The following ENOX1 variants were observed in gnomAD, a reference collection of about 807,000 sequenced individuals.
The protein encoded by ENOX1 is candidate growth-related and time keeping constitutive hydroquinone (NADH) oxidase.
A neutral mutation model predicts 82.5 loss-of-function variants in ENOX1; 42 were observed. The ratio of observed to expected loss-of-function variants is 0.51; its 90% CI spans 0.40 to 0.66. ENOX1 has a LOEUF of 0.66. Among genes scored for constraint, ENOX1 ranks in the 30% least tolerant of loss-of-function variants. The pLI is 0.00. For missense variants in ENOX1, 608 were observed against 811.6 expected (o/e 0.75, Z 3.05); for synonymous variants, 271 against 282.2 (o/e 0.96, Z 0.40).
chr13:43,334,403 T>C (rs2048581745), intron 9 of ENOX1, among the ~76,000 whole-genome samples: 2 of 152,224 alleles, frequency 1.3e-5, no homozygotes, highest in Non-Finnish European at 2.9e-5. Flanking sequence ...GTGTGTAATG[T>C]GCTAGACTTT....
chr13:43,366,466 C>T (rs1424907591), intron 5 of ENOX1, among the ~76,000 whole-genome samples: 5 of 152,210 alleles, frequency 3.3e-5, no homozygotes, highest in African/African-American at 1.2e-4. Flanking sequence ...TTAGTAGAGA[C>T]GGGGTTTCAC....
chr13:43,454,253 G>T (rs564959545), intron 3 of ENOX1, among the ~76,000 whole-genome samples: 32 of 152,014 alleles, frequency 2.1e-4, no homozygotes, highest in African/African-American at 7.7e-4. Flanking sequence ...CTTCTCAGGG[G>T]AAACTATTTT....
chr13:43,494,439 T>C (rs1004610363), intron 2 of ENOX1, among the ~76,000 whole-genome samples: 1 of 152,196 alleles, frequency 6.6e-6, no homozygotes, highest in African/African-American at 2.4e-5. Flanking sequence ...AACAAATGAG[T>C]CAAAACTAAA....
intron 9 of ENOX1, among the ~76,000 whole-genome samples, chr13:43,333,091 T>A (rs1266364481): frequency 2.0e-5 from 3 of 152,234 alleles, no homozygotes; most frequent in Non-Finnish European, 4.4e-5. Flanking sequence ...ACTTAATATA[T>A]CTTGGAAATC....
intron 2 of ENOX1, among the ~76,000 whole-genome samples, chr13:43,615,796 T>C (rs1049253866): frequency 4.6e-5 from 7 of 151,826 alleles, no homozygotes; most frequent in African/African-American, 1.5e-4. Context: ...CCTGTGTCCA[T>C]GTGTTCTCTT....
At position 43,376,851 on chromosome 13, in the gene ENOX1, A is replaced by T. The variant is rs552456831; in HGVS notation, c.209-15399T>A. 3.5e-3 allele frequency among the ~76,000 whole-genome samples: 529 copies of T among 152,238 alleles called. 2 individuals are homozygous for T. Among genetic ancestry groups the T allele is most frequent in the Non-Finnish European group, 5.5e-3 (375 of 68,020 alleles). ...GAGGATCCAGGTCAGATGGACTCCT[A>T]CCAACCTCTTCCAATTGAAATCCGG... On this transcript the variant is annotated intron_variant, in intron 5 of 16. Coordinates refer to ENST00000690772, the MANE Select transcript of ENOX1 (RefSeq NM_001347969.2).
At chr13:43,357,190 C>G (rs2050210993) in intron 7 of ENOX1, among the ~76,000 whole-genome samples, 2 of 152,146 alleles carry the variant, frequency 1.3e-5, no homozygotes, top group African/African-American at 4.8e-5. Flanking sequence ...GCAACATAAG[C>G]ACTTTTCCAG....
At chr13:43,728,921 G>A (rs2089156886) in intron 1 of ENOX1, among the ~76,000 whole-genome samples, 2 of 152,154 alleles carry the variant, frequency 1.3e-5, no homozygotes, top group Admixed American at 1.3e-4. Context: ...TTAAGAATCT[G>A]ACTGACTGGG....
At chr13:43,518,441 C>T (rs577465652) in intron 2 of ENOX1, among the ~76,000 whole-genome samples, 5 of 152,072 alleles carry the variant, frequency 3.3e-5, no homozygotes, top group South Asian at 4.2e-4. Flanking sequence ...CTTTTCAGTG[C>T]CCCCCAGCAG....
rs1039382093 is a variant in ENOX1 at position 43,230,282 on chromosome 13, T to G, written c.1715-6144A>C. Among the ~76,000 whole-genome samples the G allele has an allele frequency of 2.6e-5, 4 of 151,860 alleles. No homozygotes were observed. The East Asian group carries it at 7.7e-4, about 29-fold the overall frequency. ...GATGTGGAAAAGAATGGTTTTGGTG[T>G]GAGGATGCAAGTCAGACTGGAGGAG... On this transcript the variant is annotated intron_variant, in intron 15 of 16. Coordinates refer to ENST00000690772, the MANE Select transcript of ENOX1 (RefSeq NM_001347969.2).
intron 2 of ENOX1, among the ~76,000 whole-genome samples, chr13:43,662,426 A>C (rs926103424): frequency 1.3e-5 from 2 of 152,172 alleles, no homozygotes; most frequent in Admixed American, 6.6e-5. Flanking sequence ...TTTGTCACTC[A>C]CTGTCAAAGA....
At chr13:43,356,837 C>T (rs1367485196) in intron 7 of ENOX1, among the ~76,000 whole-genome samples, 1 of 152,112 alleles carries the variant, frequency 6.6e-6, no homozygotes, top group East Asian at 1.9e-4. Flanking sequence ...TGCCTCACAG[C>T]CCTGCAGCAC....
chr13:43,465,878 T>C (rs541336704), intron 3 of ENOX1, among the ~76,000 whole-genome samples: 2 of 152,342 alleles, frequency 1.3e-5, no homozygotes, highest in East Asian at 3.9e-4. Flanking sequence ...CATTCATTTA[T>C]TTGTTCAGCC....
chr13:43,318,074 A>C (rs2047613145), intron 11 of ENOX1, among the ~76,000 whole-genome samples: 1 of 152,148 alleles, frequency 6.6e-6, no homozygotes, highest in African/African-American at 2.4e-5. Flanking sequence ...GCTCAGAAAA[A>C]CACTCTTCAT....
At chr13:43,450,741 C>T (rs1219426882) in intron 3 of ENOX1, among the ~76,000 whole-genome samples, 1 of 151,980 alleles carries the variant, frequency 6.6e-6, no homozygotes, top group Non-Finnish European at 1.5e-5. Context: ...CAGGTAGTGG[C>T]GTGGACTCAG....
At chr13:43,233,907 A>G (rs2153457568) in intron 15 of ENOX1, among the ~76,000 whole-genome samples, 1 of 146,218 alleles carries the variant, frequency 6.8e-6, no homozygotes, top group South Asian at 2.2e-4. Context: ...TTTCAGGGGG[A>G]ATTGCAAAGA....
chr13:43,705,264 TGACAGAG>T (rs1468078699), intron 1 of ENOX1, among the ~76,000 whole-genome samples: 1 of 149,294 alleles, frequency 6.7e-6, no homozygotes, highest in Non-Finnish European at 1.5e-5. Context: ...CCAGCCTGAG[TGACAGAG>T]TGGGACTCCA....
At chr13:43,725,598 C>T (rs1239693172) in intron 1 of ENOX1, among the ~76,000 whole-genome samples, 2 of 152,090 alleles carry the variant, frequency 1.3e-5, no homozygotes, top group African/African-American at 4.8e-5. Context: ...GAAATTTCTG[C>T]AAGAAAAGTG....
intron 1 of ENOX1, among the ~76,000 whole-genome samples, chr13:43,754,113 T>TATAAATAC (rs1950496696): frequency 1.5e-5 from 2 of 130,318 alleles, no homozygotes; most frequent in East Asian, 2.0e-4. Context: ...CGTATATGTA[T>TATAAATAC]ACATAAGTAT....
Sources: gnomAD v4.1 joint callset for allele counts (sites outside exome capture counted in the v4.1 genomes callset) on GRCh38, gnomAD v4.1.1 for gene constraint, MANE v1.5 for transcripts, NCBI Gene and HGNC (gene_info 2026-07-23, HGNC 2026-07-21) for gene names.